Variants in TFEC observed in about 807,000 individuals in gnomAD.
TFEC encodes transcription factor EC.
In TFEC, 31 loss-of-function variants were observed where a neutral mutation model predicts 41.6. That is an observed-to-expected ratio of 0.74 (90% confidence interval 0.56 to 1.01). TFEC has a LOEUF of 1.01. Ranked by LOEUF, TFEC falls within the 50% of genes least tolerant of loss-of-function variation. The pLI, the probability that TFEC is intolerant of heterozygous loss-of-function variation, is 0.00. For synonymous variants in TFEC, 143 were observed against 140.6 expected, an observed-to-expected ratio of 1.02 and a Z score of -0.12; for missense variants, 402 against 404.1, an observed-to-expected ratio of 0.99 and a Z score of 0.04.
upstream of TFEC, among the ~76,000 whole-genome samples, chr7:116,033,525 T>A (rs577171064): frequency 6.6e-6 from 1 of 152,200 alleles, no homozygotes; most frequent in East Asian, 1.9e-4. Context: ...CCTCTGTCAA[T>A]TTCTTTATTC....
chr7:116,157,753 A>C (rs1210506511), intron 1 of TFEC, among the ~76,000 whole-genome samples: 1 of 152,122 alleles, frequency 6.6e-6, no homozygotes, highest in East Asian at 1.9e-4. Flanking sequence ...GCATCCCCAA[A>C]TTCAATGGTC....
intron 1 of TFEC, among the ~76,000 whole-genome samples, chr7:116,153,567 C>A (rs1443210963): frequency 6.6e-6 from 1 of 151,918 alleles, no homozygotes; most frequent in Non-Finnish European, 1.5e-5. Context: ...TTTTTAATTT[C>A]TTTGTTGTCA....
chr7:116,019,586 C>G (rs1340486742), intron 1 of TFEC, among the ~76,000 whole-genome samples: 2 of 152,140 alleles, frequency 1.3e-5, no homozygotes, highest in Non-Finnish European at 2.9e-5. Context: ...TAATAATTTT[C>G]ACCACTGGTG....
In TFEC at chr7:115,935,908, TA is replaced by T. The variant is rs1793207413; in HGVS notation, c.*4642del. On this transcript the variant is annotated 3_prime_UTR_variant, in exon 8 of 8. Transcript: ENST00000265440. ...ACATAAAAATCCCTTTACAAGCAGA[TA>T]AAAAGTTCCCTTTTATGTATAAAGC... The T allele has an allele frequency of 6.6e-6, 1 of 151,534 alleles. No homozygotes were observed. The highest frequency in any genetic ancestry group is 2.1e-4 in the South Asian group (1 of 4,822). 9.4% of individuals were successfully genotyped at this position (151,534 alleles called of 1,614,324 possible).
intron 3 of TFEC, among the ~76,000 whole-genome samples, chr7:116,084,336 T>G (rs926931656): frequency 1.3e-5 from 2 of 151,908 alleles, no homozygotes; most frequent in African/African-American, 4.8e-5. Flanking sequence ...CTCCTAATAG[T>G]ACAACTAACT....
intron 3 of TFEC, among the ~76,000 whole-genome samples, chr7:115,967,570 C>T (rs1792918430): frequency 6.6e-6 from 1 of 151,708 alleles, no homozygotes; most frequent in African/African-American, 2.4e-5. Flanking sequence ...GTTTTCTTTG[C>T]TACTAAAGCA....
chr7:116,051,800 T>C (rs1183830801), intron 3 of TFEC, among the ~76,000 whole-genome samples: 2 of 152,116 alleles, frequency 1.3e-5, no homozygotes, highest in East Asian at 1.9e-4. Flanking sequence ...TCATGCACTA[T>C]TGATTTAATT....
chr7:116,129,133 G>A (rs1253390007), intron 1 of TFEC, among the ~76,000 whole-genome samples: 3 of 152,120 alleles, frequency 2.0e-5, no homozygotes, highest in Admixed American at 2.0e-4. Context: ...TATCATTGGA[G>A]ATTTGGAAGA....
chr7:115,982,301 CA>C lies in TFEC; in HGVS notation c.180+1960del, dbSNP rs1282886696. 2.6e-5 allele frequency among the ~76,000 whole-genome samples: 4 copies of C among 152,058 alleles called. No homozygotes were observed. The East Asian group carries it at 5.8e-4, about 22-fold the overall frequency. The stretch of plus-strand genomic sequence containing the variant: ...TGTTAAAAATTTAAAATTCAAGCAT[CA>C]AAACAACTCTACAATGTGTACACAC... On this transcript the variant is annotated intron_variant, in intron 2 of 7. Transcript: ENST00000265440.
At chr7:116,051,603 T>C (rs1796314047) in intron 3 of TFEC, among the ~76,000 whole-genome samples, 1 of 152,240 alleles carries the variant, frequency 6.6e-6, no homozygotes, top group African/African-American at 2.4e-5. Context: ...TGATGGGATT[T>C]AAACATTTTA....
chr7:116,025,179 G>A (rs899516145), intron 1 of TFEC, among the ~76,000 whole-genome samples: 1 of 152,128 alleles, frequency 6.6e-6, no homozygotes, highest in African/African-American at 2.4e-5. Context: ...AATTATGCAA[G>A]GAGCTGCTTT....
chr7:115,964,778 G>A (rs1281872556), intron 3 of TFEC, among the ~76,000 whole-genome samples: 2 of 151,566 alleles, frequency 1.3e-5, no homozygotes, highest in African/African-American at 2.4e-5. Flanking sequence ...TCTAGCCAAG[G>A]TAATAAGGTA....
Position 115,940,738 on chromosome 7 carries a change from A to G in TFEC, c.857T>C (p.Leu286Ser). 3.1e-6 allele frequency: 5 copies of G among 1,613,528 alleles called. No homozygotes were observed. The highest frequency in any genetic ancestry group is 4.2e-6 in the Non-Finnish European group (5 of 1,179,630). Residue 286 changes from leucine to serine, a missense_variant, in exon 8 of 8, where the codon TTG becomes TCG. Physicochemically the swap from Leu to Ser is moderately radical, Grantham distance 145. Transcript: ENST00000265440. ...AAATGATAAATCTGTGAAGTATGAC[A>G]AAGGATCAGAAAAGGCTATAGCTTG... is the stretch of plus-strand genomic sequence containing the variant. ...CDQAIAFSDP[L>S]SYFTDLSFSA...
chr7:115,947,703 C>G (rs1381896787), intron 6 of TFEC, among the ~76,000 whole-genome samples: 9 of 151,676 alleles, frequency 5.9e-5, no homozygotes, highest in Middle Eastern at 3.4e-3. Context: ...TGTTTTTTGG[C>G]TGCATAAATG....
chr7:116,150,936 T>G (rs1798748110), intron 1 of TFEC, among the ~76,000 whole-genome samples: 1 of 152,160 alleles, frequency 6.6e-6, no homozygotes, highest in African/African-American at 2.4e-5. Context: ...TGCATCCCTC[T>G]TAAATGACTA....
chr7:116,130,045 AACACACACACACACACACAC>A (rs56872188), intron 1 of TFEC, among the ~76,000 whole-genome samples: 2 of 142,152 alleles, frequency 1.4e-5, no homozygotes, highest in Admixed American at 7.1e-5. Flanking sequence ...AACATGCAAG[AACACACACACACACACACAC>A]ACACACACAC....
At chr7:116,073,504 G>C (rs893867964) in intron 3 of TFEC, among the ~76,000 whole-genome samples, 1 of 151,276 alleles carries the variant, frequency 6.6e-6, no homozygotes, top group Non-Finnish European at 1.5e-5. Flanking sequence ...AGAACATGTA[G>C]GTTGCAGCAA....
chr7:116,066,391 AT>A (rs1348189186), intron 3 of TFEC, among the ~76,000 whole-genome samples: 1 of 152,100 alleles, frequency 6.6e-6, no homozygotes, highest in African/African-American at 2.4e-5. Flanking sequence ...ATTAATCAAC[AT>A]TTAGTATGCT....
At chr7:115,990,135 C>A (rs1379033368) in intron 1 of TFEC, among the ~76,000 whole-genome samples, 3 of 152,196 alleles carry the variant, frequency 2.0e-5, no homozygotes, top group African/African-American at 7.2e-5. Flanking sequence ...GGACCTCCAG[C>A]AAACTCCAAC....
Sources: allele counts gnomAD v4.1 joint callset (sites outside exome capture counted in the v4.1 genomes callset), GRCh38; gene constraint gnomAD v4.1.1; transcripts MANE v1.5; gene names NCBI Gene and HGNC (gene_info 2026-07-23, HGNC 2026-07-21).